Variants in ERICH1 observed in about 807,000 individuals in gnomAD.
ERICH1 encodes glutamate rich 1.
A neutral mutation model predicts 39.6 loss-of-function variants in ERICH1; 56 were observed. The observed-to-expected ratio is 1.41, with a 90% CI of 1.14 to 1.77. The LOEUF is 1.77. Among genes scored for constraint, ERICH1 ranks in the 40% most tolerant of loss-of-function variants. The pLI is 0.00. For synonymous variants in ERICH1, 313 were observed against 223.6 expected (o/e 1.40, Z -3.57); for missense variants, 826 against 575.4 (o/e 1.44, Z -4.45).
intron 3 of ERICH1, chr8:615,453 A>G (rs1368935910): frequency 1.0e-5 from 5 of 482,222 alleles, no homozygotes; most frequent in South Asian, 4.0e-5. Context: ...AATGGTCACA[A>G]TAGTGCCTGG....
At chr8:675,180 C>A (rs1488891537) in intron 3 of ERICH1, among the ~76,000 whole-genome samples, 2 of 60,068 alleles carry the variant, frequency 3.3e-5, no homozygotes, top group African/African-American at 1.2e-4. Flanking sequence ...CGCGGCGGCC[C>A]CTCGTGAGGA....
chr8:719,897 C>T (rs367543929), intron 1 of ERICH1, among the ~76,000 whole-genome samples: 3 of 152,292 alleles, frequency 2.0e-5, no homozygotes, highest in African/African-American at 2.4e-5. Flanking sequence ...GTGGACCCAG[C>T]GCCCTCCAGC....
chr8:687,983 C>G (rs942270194), intron 3 of ERICH1, among the ~76,000 whole-genome samples: 4 of 152,144 alleles, frequency 2.6e-5, no homozygotes, highest in African/African-American at 9.6e-5. Flanking sequence ...GAGAGACCTG[C>G]CCGGGTCCCG....
chr8:622,956 C>CAATAAATA (rs71202635), intron 3 of ERICH1, among the ~76,000 whole-genome samples: 8,065 of 143,872 alleles, frequency 0.056, 353 homozygotes, highest in Admixed American at 0.15. Flanking sequence ...GATCCGCTCT[C>CAATAAATA]AATAAATAAA....
At chr8:708,656 G>A (rs1235214603) in intron 2 of ERICH1, among the ~76,000 whole-genome samples, 1 of 139,760 alleles carries the variant, frequency 7.2e-6, no homozygotes, top group Non-Finnish European at 1.6e-5. Flanking sequence ...TGGGGAATGG[G>A]GGCTGAGTGG....
chr8:711,533 C>G (rs1306072563), intron 2 of ERICH1, among the ~76,000 whole-genome samples: 3 of 149,814 alleles, frequency 2.0e-5, no homozygotes, highest in Non-Finnish European at 4.4e-5. Flanking sequence ...GAGTCTTGCT[C>G]TGTCACCCAG....
chr8:621,161 C>A (rs1490375709), intron 3 of ERICH1, among the ~76,000 whole-genome samples: 5 of 146,046 alleles, frequency 3.4e-5, no homozygotes, highest in African/African-American at 1.3e-4. Flanking sequence ...CAATACACTC[C>A]TAAATAACTA....
chr8:694,868 T>A (rs1259461206), intron 2 of ERICH1, among the ~76,000 whole-genome samples: 13 of 152,104 alleles, frequency 8.5e-5, no homozygotes, highest in Non-Finnish European at 1.8e-4. Flanking sequence ...CCCCGTCCCA[T>A]CATCTCCTCC....
At chr8:652,499 G>T (rs570612487) in intron 3 of ERICH1, among the ~76,000 whole-genome samples, 2 of 152,322 alleles carry the variant, frequency 1.3e-5, no homozygotes, top group African/African-American at 4.8e-5. Flanking sequence ...TGCCTGGGAT[G>T]GTTCTGGCTC....
chr8:642,792 G>A (rs542109650), intron 3 of ERICH1, among the ~76,000 whole-genome samples: 5 of 152,078 alleles, frequency 3.3e-5, no homozygotes, highest in African/African-American at 9.7e-5. Flanking sequence ...TGAGTGAGCC[G>A]ATGTGTGCCG....
At chr8:691,951 G>T (rs1808996411) in intron 3 of ERICH1, among the ~76,000 whole-genome samples, 1 of 152,154 alleles carries the variant, frequency 6.6e-6, no homozygotes, top group African/African-American at 2.4e-5. Flanking sequence ...GCTTTTCCAT[G>T]CTCAACAGTC....
chr8:663,649 C>T, downstream of ERICH1, among the ~76,000 whole-genome samples: 1 of 152,184 alleles, frequency 6.6e-6, no homozygotes, highest in East Asian at 1.9e-4. Context: ...TACCTTGAAT[C>T]ATGCACCTAA....
At chr8:714,970 G>T (rs1277220189) in intron 2 of ERICH1, among the ~76,000 whole-genome samples, 1 of 152,176 alleles carries the variant, frequency 6.6e-6, no homozygotes, top group African/African-American at 2.4e-5. Context: ...TCTCTCAGTT[G>T]GATGTGCTGC....
chr8:676,542 C>CGCGGCGGCCCCTCGTG (rs1374456050), intron 3 of ERICH1, among the ~76,000 whole-genome samples: 26 of 152,046 alleles, frequency 1.7e-4, no homozygotes, highest in Admixed American at 1.4e-3. Context: ...AGGACAGAGG[C>CGCGGCGGCCCCTCGTG]ACACTACCCG....
At chr8:708,681 G>GTTTTTTGTTTTTTTTTTTTGTTTTTTT in intron 2 of ERICH1, among the ~76,000 whole-genome samples, 1 of 65,814 alleles carries the variant, frequency 1.5e-5, no homozygotes. Flanking sequence ...GGGATAATGA[G>GTTTTTTGTTTTTTTTTTTTGTTTTTTT]TTTTTTTTTT....
chr8:637,592 G>C (rs1038211796), intron 3 of ERICH1: 1 of 152,520 alleles, frequency 6.6e-6, no homozygotes, highest in African/African-American at 2.4e-5. Flanking sequence ...GGCCACTGCA[G>C]ATGCTGAATT....
chr8:721,256 T>A (rs1490438842), intron 1 of ERICH1, among the ~76,000 whole-genome samples: 1 of 152,244 alleles, frequency 6.6e-6, no homozygotes, highest in South Asian at 2.1e-4. Context: ...AAGTATTTTT[T>A]AAAAAATATA....
chr8:650,581 G>A (rs1189083877), intron 3 of ERICH1, among the ~76,000 whole-genome samples: 3 of 152,232 alleles, frequency 2.0e-5, no homozygotes, highest in Admixed American at 1.3e-4. Context: ...AAGGGAAGCA[G>A]CCAGCCTGAC....
At chr8:697,558 C>T (rs566592533) in intron 2 of ERICH1, among the ~76,000 whole-genome samples, 11 of 152,170 alleles carry the variant, frequency 7.2e-5, no homozygotes, top group African/African-American at 2.7e-4. Flanking sequence ...CCTGTCAAAT[C>T]GTCCCCTCAC....
Sources: allele counts gnomAD v4.1 joint callset (sites outside exome capture counted in the v4.1 genomes callset), GRCh38; gene constraint gnomAD v4.1.1; transcripts MANE v1.5; gene names NCBI Gene and HGNC (gene_info 2026-07-23, HGNC 2026-07-21).